AKAP9: variants seen among roughly 807,000 people sequenced by gnomAD.
AKAP9 encodes the protein A-kinase anchoring protein 9.
In AKAP9, 311 loss-of-function variants were observed where a neutral mutation model predicts 488.5. The observed-to-expected ratio is 0.64, with a 90% CI of 0.58 to 0.70. The LOEUF (loss-of-function observed/expected upper bound fraction) is 0.70. Ranked by LOEUF, AKAP9 falls within the 30% of genes least tolerant of loss-of-function variation. AKAP9 has a pLI of 0.00. For missense variants in AKAP9, 4,215 were observed against 4,374.5 expected, an observed-to-expected ratio of 0.96 and a Z score of 1.03; for synonymous variants, 1,462 against 1,483.5, an observed-to-expected ratio of 0.99 and a Z score of 0.33.
Position 92,102,797 on chromosome 7 carries a change from G to A in AKAP9, c.11301G>A (p.Ser3767=), listed in dbSNP as rs764711357. 4.0e-5 allele frequency: 65 copies of A among 1,614,040 alleles called. No homozygotes were observed. The highest frequency in any genetic ancestry group is 4.9e-5 in the Non-Finnish European group (58 of 1,180,048). ...CAAAGGGCTTCACCAGGTTTCGGTC[G>A]GCCGTCAGAGTATCCATTGCAATTT... The part of the protein sequence containing the change: ...NRPKGFTRFR[S]AVRVSIAISR... The change falls in exon 46 of 50, where the codon TCG becomes TCA. Residue 3767 remains serine (S), a synonymous_variant. Coordinates refer to ENST00000356239, the MANE Select transcript of AKAP9 (RefSeq NM_005751.5).
intron 8 of AKAP9, among the ~76,000 whole-genome samples, chr7:92,012,034 A>G (rs1800816390): frequency 6.6e-6 from 1 of 152,156 alleles, no homozygotes. Context: ...CCAGGAGGTC[A>G]AGGCTGCAGC....
At position 92,094,951 on chromosome 7, in the gene AKAP9, C is replaced by T. The variant is rs186965972; in HGVS notation, c.9579-72C>T. On this transcript the variant is annotated intron_variant, in intron 39 of 49. Transcript: ENST00000356239. The stretch of plus-strand genomic sequence containing the variant: ...ATATGCCTCAACTTATCAGTAGAAG[C>T]TGTTTTTCTCTCTCTCATTATATGC... The T allele has an allele frequency of 1.7e-5, 24 of 1,386,144 alleles. No individual in the cohort carries two copies. In the Admixed American group the frequency reaches 3.8e-4, roughly 22 times the overall value. 85.9% of individuals were successfully genotyped at this position (1,386,144 alleles called of 1,614,324 possible). A position where few individuals can be genotyped will look rare whatever the true frequency, so the allele number is the denominator to read the frequency against.
chr7:92,076,229 T>A (rs1277744538), intron 28 of AKAP9, among the ~76,000 whole-genome samples: 1 of 152,206 alleles, frequency 6.6e-6, no homozygotes, highest in African/African-American at 2.4e-5. Context: ...TAATCCATCC[T>A]CAAAATGATT....
At chr7:91,977,535 G>A (rs1296573453) in intron 2 of AKAP9, among the ~76,000 whole-genome samples, 3 of 152,152 alleles carry the variant, frequency 2.0e-5, no homozygotes, top group African/African-American at 7.2e-5. Flanking sequence ...CAGCCTGGGC[G>A]ACAGAGCGAG....
chr7:92,015,366 ATT>A (rs11345067), intron 10 of AKAP9, among the ~76,000 whole-genome samples: 154 of 137,838 alleles, frequency 1.1e-3, no homozygotes, highest in East Asian at 1.0e-3. Context: ...TGTGTTAGGA[ATT>A]TTTTTTTTTT....
At chr7:92,058,103 G>T (rs1019949124) in intron 22 of AKAP9, 4 of 521,208 alleles carry the variant, frequency 7.7e-6, no homozygotes, top group East Asian at 3.8e-5. Flanking sequence ...AAACTAAAAA[G>T]AACTTTTTAA....
chr7:92,098,155 G>A lies in AKAP9; in HGVS notation c.10654G>A (p.Glu3552Lys), dbSNP rs1816928550. 3 of 1,612,848 alleles carry A rather than the reference G, an allele frequency of 1.9e-6. No individual in the cohort carries two copies. The highest frequency in any genetic ancestry group is 1.1e-5 in the South Asian group (1 of 91,030). The change falls in exon 43 of 50, where the codon GAA becomes AAA. Residue 3552 changes from glutamate to lysine, a missense_variant. Physicochemically the swap from Glu to Lys is moderately conservative, Grantham distance 56 (BLOSUM62 1). Transcript: ENST00000356239. The stretch of plus-strand genomic sequence containing the variant: ...TGATGAAGATTTCATTTGGGTTCAG[G>A]AAAATATTGATGAAATTATTTTACA... ...ADDEDFIWVQ[E>K]NIDEIILQLQ...
chr7:92,045,195 C>T lies in AKAP9; in HGVS notation c.5350C>T (p.His1784Tyr), dbSNP rs1806763238. ...EAEASVKSCV[H>Y]EEHTRVTDES... Reference sequence around the variant, plus strand: ...AGAGGCATCTGTAAAGTCATGTGTCCATGAGGAACATACAAGAGGTACTAG... The same window carrying T: ...AGAGGCATCTGTAAAGTCATGTGTCTATGAGGAACATACAAGAGGTACTAG... The change falls in exon 21 of 50, where the codon CAT becomes TAT. Residue 1784 changes from histidine (H) to tyrosine (Y), a missense_variant. His to Tyr is a moderately conservative substitution (Grantham distance 83, BLOSUM62 2). This residue lies in a region of AKAP9 where 2,361 missense variants were observed against 2,430.0 expected (regional missense o/e 0.97). Transcript: ENST00000356239. 1 of 1,613,656 alleles carries T rather than the reference C, an allele frequency of 6.2e-7. No homozygotes were observed. The highest frequency in any genetic ancestry group is 8.5e-7 in the Non-Finnish European group (1 of 1,179,832).
chr7:92,019,409 G>A (rs898470063), intron 12 of AKAP9, among the ~76,000 whole-genome samples: 7 of 151,374 alleles, frequency 4.6e-5, no homozygotes, highest in African/African-American at 1.7e-4. Flanking sequence ...CTAAGTGCTG[G>A]GATTACAGGC....
In AKAP9 at chr7:91,983,054, T is replaced by TTTA. The variant is rs927103908; in HGVS notation, c.351+2735_351+2737dup. 9.9e-5 allele frequency among the ~76,000 whole-genome samples: 15 copies of TTTA among 152,048 alleles called. No homozygotes were observed. In the South Asian group the frequency reaches 1.2e-3, roughly 13 times the overall value. ...GGTTGTTTGCTTTTTTTTTCTTTCT[T>TTTA]TTATTATTATTATTATACTTTAAGT... On this transcript the variant is annotated intron_variant, in intron 3 of 49. Transcript: ENST00000356239.
intron 44 of AKAP9, chr7:92,100,122 T>C: frequency 2.6e-6 from 1 of 392,052 alleles, no homozygotes; most frequent in Non-Finnish European, 4.7e-6. Context: ...ACATCCACCT[T>C]ATACCTGAGA....
intron 8 of AKAP9, 141 bp downstream of exon 8, chr7:92,003,376 C>G: frequency 1.5e-6 from 1 of 669,452 alleles, no homozygotes; most frequent in South Asian, 2.2e-5. Flanking sequence ...TAACTTGAGC[C>G]TATCATTTAT....
chr7:91,968,782 A>G (rs1794718524), intron 1 of AKAP9, among the ~76,000 whole-genome samples: 1 of 152,016 alleles, frequency 6.6e-6, no homozygotes, highest in Non-Finnish European at 1.5e-5. Flanking sequence ...GGTATGTTGT[A>G]TTTCCATTTT....
At chr7:91,997,538 G>A (rs566597195) in intron 7 of AKAP9, among the ~76,000 whole-genome samples, 2 of 152,280 alleles carry the variant, frequency 1.3e-5, no homozygotes, top group South Asian at 4.1e-4. Context: ...AAATGGGGAG[G>A]ACTTTTTAGA....
chr7:92,047,253 GTC>G (rs1807161451), intron 21 of AKAP9, among the ~76,000 whole-genome samples: 1 of 151,320 alleles, frequency 6.6e-6, no homozygotes, highest in South Asian at 2.1e-4. Context: ...GTCTCGCTCT[GTC>G]ACCTAGGCTG....
chr7:92,074,569 T>G (rs985875383), intron 28 of AKAP9, among the ~76,000 whole-genome samples: 3 of 152,212 alleles, frequency 2.0e-5, no homozygotes, highest in African/African-American at 7.2e-5. Context: ...ACACATAGGT[T>G]TATTGCAGCA....
rs1181199099 is a variant in AKAP9, at chr7:92,001,555, A to C, written c.1638A>C (p.Arg546Ser). 1.2e-6 allele frequency: 2 copies of C among 1,613,804 alleles called. No homozygotes were observed. The highest frequency in any genetic ancestry group is 1.7e-5 in the Admixed American group (1 of 59,978). The change falls in exon 8 of 50, where the codon AGA (arginine) becomes AGC (serine). Residue 546 changes from arginine to serine, a missense_variant. Coordinates refer to ENST00000356239, the MANE Select transcript of AKAP9 (RefSeq NM_005751.5). ...ELSFSREQIQ[R>S]ARQTIAEQES... ...GCTTTTCAAGGGAACAGATTCAGAG[A>C]GCTAGACAGACAATAGCTGAACAAG...
In AKAP9 at chr7:92,093,225, G is replaced by C. The variant is rs1348278881; in HGVS notation, c.9487G>C (p.Glu3163Gln). ...GAGTTCTGAGAAAATGGTGGTTGCTGAACTGAAGAGTGAGCTTGCACAAAC... is the reference window on the plus strand; with the variant it reads ...GAGTTCTGAGAAAATGGTGGTTGCTCAACTGAAGAGTGAGCTTGCACAAAC... ...QLSSEKMVVA[E>Q]LKSELAQTKL... Residue 3163 changes from glutamate (E) to glutamine (Q), a missense_variant, in exon 39 of 50, where the codon GAA (glutamate) becomes CAA (glutamine). Physicochemically the swap from Glu to Gln is conservative, Grantham distance 29. Around this residue, in one of 5 missense-constraint regions of AKAP9, gnomAD observed 1,476 missense variants for 1,477.4 expected, o/e 1.00. Transcript: ENST00000356239. The C allele has an allele frequency of 6.2e-7, 1 of 1,614,120 alleles. No individual in the cohort carries two copies. The highest frequency in any genetic ancestry group is 8.5e-7 in the Non-Finnish European group (1 of 1,180,016).
chr7:91,973,834 G>A lies in AKAP9; in HGVS notation c.172G>A (p.Asp58Asn), dbSNP rs768477512. ...GTCAGCACACCATGATTTGAATATT[G>A]ATCAATCACAGTGTAATGAAATGTA... ...DVSAHHDLNI[D>N]QSQCNEMYIN... Residue 58 changes from aspartate to asparagine, a missense_variant, in exon 2 of 50, where the codon GAT (aspartate) becomes AAT (asparagine). Asp to Asn is a conservative substitution (Grantham distance 23). Coordinates refer to ENST00000356239, the MANE Select transcript of AKAP9 (RefSeq NM_005751.5). 3 of 1,614,010 alleles carry A rather than the reference G, an allele frequency of 1.9e-6. No individual in the cohort carries two copies. Among genetic ancestry groups the A allele is most frequent in the Non-Finnish European group, 2.5e-6 (3 of 1,179,990 alleles).
Sources: gnomAD v4.1 joint callset for allele counts (sites outside exome capture counted in the v4.1 genomes callset) on GRCh38, gnomAD v4.1.1 for gene constraint, gnomAD v4.1.1 regional missense constraint, MANE v1.5 for transcripts, NCBI Gene and HGNC (gene_info 2026-07-23, HGNC 2026-07-21) for gene names.